LRRC4C: variants seen among roughly 807,000 people sequenced by gnomAD.
LRRC4C encodes the protein leucine rich repeat containing 4C, also known as leucine-rich repeat-containing protein 4C.
LRRC4C carries 5 observed loss-of-function variants against 33.6 expected under a neutral mutation model. That is an observed-to-expected ratio of 0.15 (90% CI 0.08 to 0.31). The LOEUF is 0.31. Among genes scored for constraint, LRRC4C ranks in the 10% least tolerant of loss-of-function variants. The probability of loss-of-function intolerance (pLI) is 1.00; values close to 1 mark genes in which losing one functional copy is unlikely to be tolerated. For missense variants in LRRC4C, 560 were observed against 796.7 expected (o/e 0.70, Z 3.58); for synonymous variants, 329 against 302.0 (o/e 1.09, Z -0.93).
intron 1 of LRRC4C, among the ~76,000 whole-genome samples, chr11:41,221,066 G>A (rs1240175350): frequency 2.0e-5 from 3 of 152,010 alleles, no homozygotes; most frequent in East Asian, 1.9e-4. Flanking sequence ...GAGGTTTGTG[G>A]TACAAATTAT....
intron 3 of LRRC4C, among the ~76,000 whole-genome samples, chr11:40,429,568 T>TAATA (rs1555056077): frequency 6.8e-6 from 1 of 147,698 alleles, no homozygotes; most frequent in South Asian, 2.1e-4. Context: ...GCAATAATAA[T>TAATA]AAAAAAAAAA....
chr11:40,281,643 G>A (rs964610479), intron 4 of LRRC4C, among the ~76,000 whole-genome samples: 3 of 152,162 alleles, frequency 2.0e-5, no homozygotes, highest in East Asian at 3.9e-4. Context: ...AAGAAAACAT[G>A]TCCATTGCCC....
At chr11:40,382,488 T>C (rs911835519) in intron 3 of LRRC4C, among the ~76,000 whole-genome samples, 1 of 151,680 alleles carries the variant, frequency 6.6e-6, no homozygotes, top group Non-Finnish European at 1.5e-5. Context: ...CATAAACTTA[T>C]TCATCATCAC....
At chr11:40,212,538 T>A (rs931286774) in intron 5 of LRRC4C, among the ~76,000 whole-genome samples, 3 of 151,852 alleles carry the variant, frequency 2.0e-5, no homozygotes, top group Admixed American at 2.0e-4. Flanking sequence ...AAATGAAATG[T>A]TATATCTCTT....
At chr11:40,897,550 A>T (rs1218976728) in intron 2 of LRRC4C, among the ~76,000 whole-genome samples, 1 of 152,180 alleles carries the variant, frequency 6.6e-6, no homozygotes, top group Middle Eastern at 3.2e-3. Flanking sequence ...GGAAGTACCA[A>T]AATGTTTAAA....
chr11:40,606,183 T>C (rs1222268812), intron 3 of LRRC4C, among the ~76,000 whole-genome samples: 2 of 152,180 alleles, frequency 1.3e-5, no homozygotes, highest in African/African-American at 4.8e-5. Context: ...TAATGAAGCT[T>C]GGCAAATTCT....
At chr11:41,269,912 A>T (rs538417390) in intron 1 of LRRC4C, among the ~76,000 whole-genome samples, 1 of 152,232 alleles carries the variant, frequency 6.6e-6, no homozygotes, top group East Asian at 1.9e-4. Flanking sequence ...AAAAGCTTTG[A>T]TTCAAAAAGA....
intron 5 of LRRC4C, among the ~76,000 whole-genome samples, chr11:40,141,865 A>G (rs1355710029): frequency 1.3e-5 from 2 of 152,212 alleles, no homozygotes; most frequent in Non-Finnish European, 2.9e-5. Context: ...TGTAAATAAA[A>G]GTGCTTTTCA....
intron 1 of LRRC4C, among the ~76,000 whole-genome samples, chr11:41,139,979 C>T (rs535742270): frequency 6.6e-6 from 1 of 152,234 alleles, no homozygotes; most frequent in East Asian, 1.9e-4. Context: ...GCCCTTTGGC[C>T]ATATTTCTGA....
intron 1 of LRRC4C, among the ~76,000 whole-genome samples, chr11:41,286,351 T>C (rs1311345783): frequency 6.6e-6 from 1 of 152,170 alleles, no homozygotes; most frequent in African/African-American, 2.4e-5. Flanking sequence ...GAGTCAAATC[T>C]CCGGGACTCA....
At chr11:40,934,715 T>A (rs1331575624) in intron 1 of LRRC4C, among the ~76,000 whole-genome samples, 1 of 152,240 alleles carries the variant, frequency 6.6e-6, no homozygotes, top group East Asian at 1.9e-4. Context: ...CTATCTCCTA[T>A]TTCCTAGTAG....
intron 2 of LRRC4C, among the ~76,000 whole-genome samples, chr11:40,706,316 T>G (rs911139559): frequency 1.3e-5 from 2 of 152,136 alleles, no homozygotes; most frequent in African/African-American, 4.8e-5. Flanking sequence ...TTGCCTAGGT[T>G]TTCTTCTAGG....
chr11:41,035,940 C>T (rs1433243591), intron 1 of LRRC4C, among the ~76,000 whole-genome samples: 1 of 152,090 alleles, frequency 6.6e-6, no homozygotes, highest in East Asian at 1.9e-4. Flanking sequence ...ATTAGGGAAA[C>T]TCATAAATAT....
chr11:40,895,576 G>A (rs4755565), intron 2 of LRRC4C, among the ~76,000 whole-genome samples: 147,297 of 152,232 alleles, frequency 0.97, 71,449 homozygotes, highest in East Asian at 1. Flanking sequence ...TGAGTCTTCT[G>A]TTTTAAAAGG....
At chr11:40,940,493 T>C (rs1958093901) in intron 1 of LRRC4C, among the ~76,000 whole-genome samples, 1 of 152,154 alleles carries the variant, frequency 6.6e-6, no homozygotes, top group Non-Finnish European at 1.5e-5. Flanking sequence ...TTAGATAAGA[T>C]CCTAACCACT....
intron 1 of LRRC4C, among the ~76,000 whole-genome samples, chr11:41,328,392 T>A (rs1298406705): frequency 6.6e-6 from 1 of 152,100 alleles, no homozygotes; most frequent in African/African-American, 2.4e-5. Context: ...TAGAATCCTG[T>A]CTCCCCTAGG....
chr11:41,410,837 G>T (rs1253969365), intron 1 of LRRC4C, among the ~76,000 whole-genome samples: 1 of 151,984 alleles, frequency 6.6e-6, no homozygotes, highest in Non-Finnish European at 1.5e-5. Context: ...ATAAATAAAG[G>T]ATCCAGACAA....
chr11:40,426,387 T>A (rs1012515895), intron 3 of LRRC4C, among the ~76,000 whole-genome samples: 6 of 151,864 alleles, frequency 4.0e-5, no homozygotes, highest in Admixed American at 2.6e-4. Flanking sequence ...CTTTTTTTTT[T>A]AATCCCATCT....
At chr11:40,354,431 C>G (rs1395963952) in intron 3 of LRRC4C, among the ~76,000 whole-genome samples, 1 of 152,152 alleles carries the variant, frequency 6.6e-6, no homozygotes, top group East Asian at 1.9e-4. Flanking sequence ...GAAGTGAGAT[C>G]CCTGCTGGCC....
Sources: gnomAD v4.1 joint callset for allele counts (sites outside exome capture counted in the v4.1 genomes callset) on GRCh38, gnomAD v4.1.1 for gene constraint, MANE v1.5 for transcripts, NCBI Gene and HGNC (gene_info 2026-07-23, HGNC 2026-07-21) for gene names.